RALGPS1: variants seen among roughly 807,000 people sequenced by gnomAD.
RALGPS1 encodes Ral GEF with PH domain and SH3 binding motif 1.
In RALGPS1, 19 loss-of-function variants were observed where a neutral mutation model predicts 78.8. That is an observed-to-expected ratio of 0.24 (90% CI 0.17 to 0.35). RALGPS1 has a LOEUF of 0.35. Ranked by LOEUF, RALGPS1 falls within the 10% of genes least tolerant of loss-of-function variation. The pLI is 1.00. For synonymous variants in RALGPS1, 228 were observed against 256.3 expected (o/e 0.89, Z 1.06); for missense variants, 454 against 688.3 (o/e 0.66, Z 3.81).
intron 4 of RALGPS1, among the ~76,000 whole-genome samples, chr9:127,004,738 G>A (rs1351908000): frequency 6.6e-6 from 1 of 152,132 alleles, no homozygotes; most frequent in Non-Finnish European, 1.5e-5. Context: ...ATAATCTTTA[G>A]TGTTACTTTC....
chr9:127,015,163 T>C (rs2133993573), intron 4 of RALGPS1, among the ~76,000 whole-genome samples: 1 of 152,296 alleles, frequency 6.6e-6, no homozygotes, highest in East Asian at 1.9e-4. Flanking sequence ...TGGTAGAAAA[T>C]CATGGTAACA....
At position 127,069,393 on chromosome 9, in the gene RALGPS1, C is replaced by T. The variant is rs1450858009; in HGVS notation, c.610+37C>T. 4 of 1,603,646 alleles carry T rather than the reference C, an allele frequency of 2.5e-6. No individual in the cohort carries two copies. In the Admixed American group the frequency reaches 5.1e-5, roughly 21 times the overall value. ...AATTGGCTTATTTTTTTTTAAGAAA[C>T]CTACTCGGTGCCAAATAAGATGTTT... On this transcript the variant is annotated intron_variant, in intron 8 of 18. Coordinates refer to ENST00000259351, the MANE Select transcript of RALGPS1 (RefSeq NM_014636.3).
At chr9:127,109,442 G>A (rs1272015345) in intron 8 of RALGPS1, among the ~76,000 whole-genome samples, 1 of 152,234 alleles carries the variant, frequency 6.6e-6, no homozygotes, top group South Asian at 2.1e-4. Flanking sequence ...GTGGAAGGAT[G>A]TGTCCAGTTA....
At chr9:127,096,320 CCTCCCA>C in intron 8 of RALGPS1, among the ~76,000 whole-genome samples, 1 of 152,198 alleles carries the variant, frequency 6.6e-6, no homozygotes, top group African/African-American at 2.4e-5. Flanking sequence ...GCGTGGGAGG[CCTCCCA>C]GCTCCTTACC....
chr9:127,216,838 T>A, intron 18 of RALGPS1: 4 of 1,359,590 alleles, frequency 2.9e-6, no homozygotes, highest in Non-Finnish European at 3.9e-6. Context: ...GTGTCTGGGG[T>A]CCCTCAGTAG....
At chr9:127,171,336 TACTA>T (rs2059555052) in intron 10 of RALGPS1, among the ~76,000 whole-genome samples, 1 of 152,046 alleles carries the variant, frequency 6.6e-6, no homozygotes, top group Non-Finnish European at 1.5e-5. Context: ...TAATTTAAAA[TACTA>T]ACTTTAATTT....
At chr9:126,956,198 C>T (rs901899485) in intron 1 of RALGPS1, among the ~76,000 whole-genome samples, 10 of 152,016 alleles carry the variant, frequency 6.6e-5, no homozygotes, top group African/African-American at 2.4e-4. Flanking sequence ...TTAGGAAGCA[C>T]AGTTCCCTAT....
chr9:127,014,033 C>T (rs1473373729), intron 4 of RALGPS1, among the ~76,000 whole-genome samples: 1 of 152,218 alleles, frequency 6.6e-6, no homozygotes, highest in African/African-American at 2.4e-5. Flanking sequence ...TCCTCCTAAG[C>T]TTTGCACAGT....
At chr9:126,930,887 T>C (rs1161980035) in intron 1 of RALGPS1, among the ~76,000 whole-genome samples, 1 of 152,266 alleles carries the variant, frequency 6.6e-6, no homozygotes, top group Non-Finnish European at 1.5e-5. Flanking sequence ...TAAAAATGGC[T>C]ATCTGTGTTA....
Position 127,166,678 on chromosome 9 carries a change from C to T in RALGPS1, c.748+472C>T, listed in dbSNP as rs1427565164. Among the ~76,000 whole-genome samples, 3 of 152,240 alleles carry T rather than the reference C, an allele frequency of 2.0e-5. No individual in the cohort carries two copies. In the East Asian group the frequency reaches 5.8e-4, roughly 29 times the overall value. Reference sequence around the variant, plus strand: ...CCATATATGGGTGGGTTTTATGGTCCAGGCTTGCAAGCAGTGCAGGCCACT... The same window carrying T: ...CCATATATGGGTGGGTTTTATGGTCTAGGCTTGCAAGCAGTGCAGGCCACT... On this transcript the variant is annotated intron_variant, in intron 9 of 18. Transcript: ENST00000259351.
chr9:127,035,531 A>G (rs1487478202), intron 5 of RALGPS1, among the ~76,000 whole-genome samples: 1 of 152,196 alleles, frequency 6.6e-6, no homozygotes, highest in Non-Finnish European at 1.5e-5. Context: ...GTTGCGTAGT[A>G]TGTATGACTG....
At chr9:127,156,674 A>G (rs1287120370) in intron 8 of RALGPS1, among the ~76,000 whole-genome samples, 2 of 151,810 alleles carry the variant, frequency 1.3e-5, no homozygotes, top group East Asian at 1.9e-4. Flanking sequence ...TTCCTATTCT[A>G]TTTGTCTTTC....
intron 1 of RALGPS1, among the ~76,000 whole-genome samples, chr9:126,938,934 T>A (rs2036512237): frequency 6.6e-6 from 1 of 152,032 alleles, no homozygotes; most frequent in African/African-American, 2.4e-5. Context: ...CTAGCCCCCG[T>A]TTTTGCTGGT....
intron 3 of RALGPS1, among the ~76,000 whole-genome samples, chr9:126,970,638 TGTGA>T (rs2040018752): frequency 5.9e-5 from 9 of 152,198 alleles, no homozygotes; most frequent in Admixed American, 3.3e-4. Context: ...TGTGTATGTG[TGTGA>T]GTGAGAGAGA....
intron 11 of RALGPS1, among the ~76,000 whole-genome samples, chr9:127,182,336 T>A (rs563450402): frequency 6.8e-6 from 1 of 146,316 alleles, no homozygotes. Flanking sequence ...CTTCCTGCCT[T>A]CCTTCCTTCC....
At chr9:127,185,458 C>T (rs1366410978) in intron 11 of RALGPS1, among the ~76,000 whole-genome samples, 3 of 152,224 alleles carry the variant, frequency 2.0e-5, no homozygotes, top group Non-Finnish European at 4.4e-5. Flanking sequence ...TCACTGGCTG[C>T]TCAACTGGGC....
At chr9:127,176,004 T>C (rs1210652894) in intron 11 of RALGPS1, among the ~76,000 whole-genome samples, 1 of 152,098 alleles carries the variant, frequency 6.6e-6, no homozygotes. Context: ...CTGCCCTGAT[T>C]CCCAGGGGGG....
chr9:127,026,960 G>A (rs1005407627), intron 4 of RALGPS1, among the ~76,000 whole-genome samples: 1 of 152,166 alleles, frequency 6.6e-6, no homozygotes, highest in Non-Finnish European at 1.5e-5. Context: ...GCAGCGGGTG[G>A]GGGTGCTGGC....
chr9:126,959,050 T>C (rs1458372129), intron 1 of RALGPS1, among the ~76,000 whole-genome samples: 2 of 151,914 alleles, frequency 1.3e-5, no homozygotes, highest in African/African-American at 2.4e-5. Context: ...TAGCCATTCA[T>C]GTATCTTCTT....
Sources: allele counts gnomAD v4.1 joint callset (sites outside exome capture counted in the v4.1 genomes callset), GRCh38; gene constraint gnomAD v4.1.1; transcripts MANE v1.5; gene names NCBI Gene and HGNC (gene_info 2026-07-23, HGNC 2026-07-21).